Variants in ANXA2 observed in about 807,000 individuals in gnomAD.
The protein encoded by ANXA2 is annexin A2.
ANXA2 carries 28 observed loss-of-function variants against 47.3 expected under a neutral mutation model. The ratio of observed to expected loss-of-function variants is 0.59; its 90% CI spans 0.44 to 0.81. The LOEUF (loss-of-function observed/expected upper bound fraction) is 0.81, where lower values mean the gene tolerates loss of function less well. Ranked by LOEUF, ANXA2 falls within the 40% of genes least tolerant of loss-of-function variation. The pLI, the probability that ANXA2 is intolerant of heterozygous loss-of-function variation, is 0.00. For synonymous variants in ANXA2, 172 were observed against 155.5 expected, an observed-to-expected ratio of 1.11 and a Z score of -0.79; for missense variants, 384 against 414.3, an observed-to-expected ratio of 0.93 and a Z score of 0.64.
intron 8 of ANXA2, among the ~76,000 whole-genome samples, chr15:60,353,229 A>G (rs2062375805): frequency 1.3e-5 from 2 of 152,258 alleles, no homozygotes; most frequent in South Asian, 4.1e-4. Flanking sequence ...AGTAAAGAAT[A>G]TAGTTCATTG....
intron 1 of ANXA2, chr15:60,394,455 T>G (rs548226756): frequency 6.6e-6 from 1 of 152,346 alleles, no homozygotes; most frequent in Admixed American, 6.5e-5. Context: ...TCCCAGCAGT[T>G]TGGGAAGCCG....
At chr15:60,357,665 C>A (rs924479826) in intron 5 of ANXA2, among the ~76,000 whole-genome samples, 1 of 151,894 alleles carries the variant, frequency 6.6e-6, no homozygotes, top group Non-Finnish European at 1.5e-5. Context: ...TGGTAGCGGG[C>A]GCCTGTAGTC....
chr15:60,352,453 C>T lies in ANXA2; in HGVS notation c.612G>A (p.Lys204=). 1 of 1,613,726 alleles carries T rather than the reference C, an allele frequency of 6.2e-7. No homozygotes were observed. Among genetic ancestry groups the T allele is most frequent in the Non-Finnish European group, 8.5e-7 (1 of 1,179,726 alleles). Residue 204 remains lysine (K), a synonymous_variant, in exon 9 of 13, where the codon AAG becomes AAA. Coordinates refer to ENST00000451270, the MANE Select transcript of ANXA2 (RefSeq NM_004039.3). This position sits in a 1 kb window ranked among gnomAD's most constrained non-coding sequence, Gnocchi z 4.2. ...ACTTGGGAACATCAGTTCCTTTCCT[C>T]TTCACTCCAGCGTCATAGAGATCCT... ...DARDLYDAGV[K]RKGTDVPKWI... is the part of the protein sequence containing the mutation.
At chr15:60,356,607 A>G (rs899777653) in intron 6 of ANXA2, among the ~76,000 whole-genome samples, 1 of 152,202 alleles carries the variant, frequency 6.6e-6, no homozygotes, top group Admixed American at 6.5e-5. Context: ...CCAAAATATC[A>G]CATGTACCCC....
rs369071580 is a variant in ANXA2 at position 60,360,577 on chromosome 15, C to A, written c.357+364G>T. 1.3e-4 allele frequency among the ~76,000 whole-genome samples: 20 copies of A among 152,206 alleles called. No individual in the cohort carries two copies. In the East Asian group the frequency reaches 1.7e-3, roughly 13 times the overall value. On this transcript the variant is annotated intron_variant, in intron 5 of 12. Coordinates refer to ENST00000451270, the MANE Select transcript of ANXA2 (RefSeq NM_004039.3). ...CCCACGAAAGGATGGGCAGAATTTGCAAGCTTCACTTAACAAAAGCTATGA... is the reference window on the plus strand; with the variant it reads ...CCCACGAAAGGATGGGCAGAATTTGAAAGCTTCACTTAACAAAAGCTATGA...
chr15:60,369,755 A>T (rs1566940249), intron 3 of ANXA2, among the ~76,000 whole-genome samples: 1 of 152,264 alleles, frequency 6.6e-6, no homozygotes. Flanking sequence ...AGAAATGGAT[A>T]ACCATGGTGG....
At chr15:60,347,987 T>G in intron 12 of ANXA2, among the ~76,000 whole-genome samples, 1 of 152,208 alleles carries the variant, frequency 6.6e-6, no homozygotes, top group Non-Finnish European at 1.5e-5. Context: ...AGGGCTGTTC[T>G]TACTGCAGCA....
chr15:60,387,010 A>C (rs2062942168), intron 1 of ANXA2: 1 of 152,252 alleles, frequency 6.6e-6, no homozygotes, highest in Non-Finnish European at 1.5e-5. Flanking sequence ...TTGATCAAGG[A>C]AACTGCACAC....
At chr15:60,364,976 C>T (rs1027520335) in intron 3 of ANXA2, among the ~76,000 whole-genome samples, 32 of 141,572 alleles carry the variant, frequency 2.3e-4, no homozygotes, top group African/African-American at 8.3e-4. Context: ...AGGATTATGG[C>T]TATATAAGCA....
intron 1 of ANXA2, chr15:60,396,281 A>T (rs141092720): frequency 2.6e-5 from 4 of 152,238 alleles, no homozygotes; most frequent in East Asian, 3.9e-4. Flanking sequence ...ACCACCAACC[A>T]TTCCTAACTT....
intron 2 of ANXA2, chr15:60,384,459 A>G (rs1361759448): frequency 6.6e-6 from 1 of 152,226 alleles, no homozygotes; most frequent in African/African-American, 2.4e-5. Context: ...TTCTTTCCTT[A>G]AAATAATGGG....
chr15:60,379,010 G>T (rs780352094), intron 3 of ANXA2, among the ~76,000 whole-genome samples: 4 of 151,254 alleles, frequency 2.6e-5, no homozygotes, highest in Non-Finnish European at 4.4e-5. Flanking sequence ...GCCAGGCGCG[G>T]TGGCTCACGG....
At chr15:60,366,238 C>A (rs1403496480) in intron 3 of ANXA2, among the ~76,000 whole-genome samples, 1 of 151,108 alleles carries the variant, frequency 6.6e-6, no homozygotes, top group Non-Finnish European at 1.5e-5. Flanking sequence ...TCCCAAAGAG[C>A]CCAGATTGCA....
At chr15:60,373,900 TTTG>T (rs2062742801) in intron 3 of ANXA2, among the ~76,000 whole-genome samples, 1 of 152,198 alleles carries the variant, frequency 6.6e-6, no homozygotes, top group Admixed American at 6.5e-5. Context: ...AGAGAACATT[TTTG>T]CCATTGGCAC....
Position 60,355,697 on chromosome 15 carries a change from C to G in ANXA2, c.528+222G>C, listed in dbSNP as rs113571341. Reference sequence around the variant, plus strand: ...GACTTGAGAGCCGCCCATCCCTTCTCTGGCTCCCAAAGTCCACTTGTCCAT... The same window carrying G: ...GACTTGAGAGCCGCCCATCCCTTCTGTGGCTCCCAAAGTCCACTTGTCCAT... On this transcript the variant is annotated intron_variant, in intron 7 of 12. Transcript: ENST00000451270. The G allele has an allele frequency of 4.5e-3, 2,699 of 601,464 alleles. 63 individuals are homozygous for G. The highest frequency in any genetic ancestry group is 0.042 in the African/African-American group (2,311 of 54,414). The allele number at this position is 601,464 out of a possible 1,614,324, so 37.3% of individuals were successfully genotyped here.
chr15:60,392,767 C>T (rs994738204), intron 1 of ANXA2, among the ~76,000 whole-genome samples: 3 of 152,146 alleles, frequency 2.0e-5, no homozygotes, highest in Admixed American at 6.5e-5. Flanking sequence ...GATGCGTTAC[C>T]GCAAAACAGA....
chr15:60,366,414 CG>C (rs2062604494), intron 3 of ANXA2, among the ~76,000 whole-genome samples: 1 of 150,208 alleles, frequency 6.7e-6, no homozygotes, highest in Admixed American at 6.6e-5. Flanking sequence ...CATCTCTGCG[CG>C]GCCGCCCATC....
chr15:60,377,451 T>C (rs561127993), intron 3 of ANXA2, among the ~76,000 whole-genome samples: 1 of 152,196 alleles, frequency 6.6e-6, no homozygotes, highest in Non-Finnish European at 1.5e-5. Context: ...CAATTCCATA[T>C]ACAGGCATAC....
chr15:60,359,828 G>A (rs1206412201), intron 5 of ANXA2, among the ~76,000 whole-genome samples: 2 of 152,166 alleles, frequency 1.3e-5, no homozygotes, highest in Admixed American at 6.5e-5. Context: ...CATCTACAGC[G>A]CAGACTTTAC....
Sources: allele counts gnomAD v4.1 joint callset (sites outside exome capture counted in the v4.1 genomes callset), GRCh38; gene constraint gnomAD v4.1.1; non-coding constraint Gnocchi (gnomAD v3.1); transcripts MANE v1.5; gene names NCBI Gene and HGNC (gene_info 2026-07-23, HGNC 2026-07-21).